Variants in MYO1F observed in about 807,000 individuals in gnomAD.
MYO1F encodes the protein myosin IF, also known as unconventional myosin-If.
MYO1F carries 60 observed loss-of-function variants against 146.6 expected under a neutral mutation model. That is an observed-to-expected ratio of 0.41 (90% CI 0.33 to 0.51). MYO1F has a LOEUF of 0.51. MYO1F is among the 20% of genes least tolerant of loss of function. The pLI, the probability that MYO1F is intolerant of heterozygous loss-of-function variation, is 0.25. For missense variants in MYO1F, 1,274 were observed against 1,534.3 expected, an observed-to-expected ratio of 0.83 and a Z score of 2.83; for synonymous variants, 602 against 602.1, an observed-to-expected ratio of 1.00 and a Z score of 0.00.
chr19:8,530,125 G>T lies in MYO1F; in HGVS notation c.2328+71C>A, dbSNP rs1456246949. 1.3e-6 allele frequency: 2 copies of T among 1,593,126 alleles called. No homozygotes were observed. The highest frequency in any genetic ancestry group is 2.2e-5 in the East Asian group (1 of 44,782). On this transcript the variant is annotated intron_variant, in intron 21 of 27. Transcript: ENST00000644032. This position sits in a 1 kb window ranked among gnomAD's most constrained non-coding sequence, Gnocchi z 5.8. ...CTGGGGGATATCTGGCTGTGGGCAG[G>T]TGCATCTGGGCCAGGTGAGGGTGCC... is the stretch of plus-strand genomic sequence containing the variant.
chr19:8,526,994 A>G, intron 22 of MYO1F, 59 bp from the exon 23 acceptor site: 2 of 1,599,568 alleles, frequency 1.3e-6, no homozygotes, highest in Non-Finnish European at 1.7e-6. Flanking sequence ...CAGGTGAGAG[A>G]GACAGATGAA....
At chr19:8,541,396 A>G (rs1349305220) in intron 15 of MYO1F, among the ~76,000 whole-genome samples, 1 of 128,264 alleles carries the variant, frequency 7.8e-6, no homozygotes, top group Admixed American at 8.1e-5. Flanking sequence ...ATCTAATGCT[A>G]TGTTCTTTGT....
At chr19:8,559,742 G>T (rs1016485142) in intron 1 of MYO1F, among the ~76,000 whole-genome samples, 1 of 151,966 alleles carries the variant, frequency 6.6e-6, no homozygotes, top group Non-Finnish European at 1.5e-5. Flanking sequence ...CTAAGGTCGG[G>T]AGTTTGAGAC....
intron 1 of MYO1F, among the ~76,000 whole-genome samples, chr19:8,560,388 G>A (rs1246115824): frequency 6.6e-6 from 1 of 151,818 alleles, no homozygotes; most frequent in Non-Finnish European, 1.5e-5. Flanking sequence ...AGGAGGCTGA[G>A]GCAGGAGACT....
chr19:8,527,843 T>C (rs1972331986), intron 21 of MYO1F, among the ~76,000 whole-genome samples: 1 of 152,106 alleles, frequency 6.6e-6, no homozygotes. Context: ...GAGCTCCTGA[T>C]CTCAAGCAAA....
intron 1 of MYO1F, among the ~76,000 whole-genome samples, chr19:8,576,031 C>A (rs2146007091): frequency 6.6e-6 from 1 of 152,292 alleles, no homozygotes; most frequent in East Asian, 1.9e-4. Flanking sequence ...GGAGTGTGCT[C>A]TGTCACCCAG....
rs56008209 is a variant in MYO1F, at chr19:8,544,459, G to T, written c.1362C>A (p.Pro454=). Residue 454 remains proline (P), a synonymous_variant, in exon 14 of 28, where the codon CCC becomes CCA. Transcript: ENST00000644032. ...VCDLIENKLS[P]PGIMSVLDDV... ...CGTCCAAGACGCTCATGATGCCTGG[G>T]GGGCTCTGCGGGGCGAGCGGGAGCC... 243 of 1,608,400 alleles carry T rather than the reference G, an allele frequency of 1.5e-4. 2 individuals are homozygous for T. Among genetic ancestry groups the T allele is most frequent in the Admixed American group, 1.1e-3 (63 of 59,846 alleles).
Position 8,521,083 on chromosome 19 carries a change from T to C in MYO1F, c.*445A>G, listed in dbSNP as rs779127127. 3.0e-5 allele frequency: 9 copies of C among 296,796 alleles called. No individual in the cohort carries two copies. Among genetic ancestry groups the C allele is most frequent in the Non-Finnish European group, 5.3e-5 (8 of 149,834 alleles). The allele number at this position is 296,796 out of a possible 1,614,324, so 18.4% of individuals were successfully genotyped here. ...CACAGGGCTGTGAAAACATCGTCCT[T>C]GTTGGGCACTTAGTAAGTTAACTCG... On this transcript the variant is annotated 3_prime_UTR_variant, in exon 28 of 28. Transcript: ENST00000644032.
intron 6 of MYO1F, 65 bp downstream of exon 6, chr19:8,553,074 G>A: frequency 1.4e-6 from 2 of 1,409,668 alleles, no homozygotes; most frequent in Non-Finnish European, 1.0e-6. Context: ...TGTATGTGTG[G>A]GTGTGTGTGT....
At chr19:8,542,556 GGC>G in intron 14 of MYO1F, among the ~76,000 whole-genome samples, 1 of 152,074 alleles carries the variant, frequency 6.6e-6, no homozygotes, top group East Asian at 1.9e-4. Context: ...TTGCAACCCT[GGC>G]TGAGGGAACA....
Position 8,522,660 on chromosome 19 carries a change from G to C in MYO1F, c.3024C>G (p.Leu1008=). Residue 1008 remains leucine (L), a synonymous_variant, in exon 26 of 28, where the codon CTC becomes CTG. Coordinates refer to ENST00000644032, the MANE Select transcript of MYO1F (RefSeq NM_012335.4). ...CGGCCATGCCCTGGTCAGGCACGTT[G>C]AGGAATTCTGTGTTGTGCTCTGAGG... ...RPPSEHNTEF[L]NVPDQGMAGM... is the part of the protein sequence containing the mutation. 2 of 1,613,954 alleles carry C rather than the reference G, an allele frequency of 1.2e-6. No homozygotes were observed. The highest frequency in any genetic ancestry group is 1.7e-6 in the Non-Finnish European group (2 of 1,179,978).
chr19:8,555,801 G>T lies in MYO1F; in HGVS notation c.4-5C>A, dbSNP rs759106961. The T allele has an allele frequency of 2.5e-6, 4 of 1,610,728 alleles. No individual in the cohort carries two copies. The highest frequency in any genetic ancestry group is 1.7e-6 in the Non-Finnish European group (2 of 1,178,918). ...GTGGAAGCGCTCCTTGCTGCCCTGGGGGGTGAGAGGGGGGTCGGGGTGAGC... is the reference window on the plus strand; with the variant it reads ...GTGGAAGCGCTCCTTGCTGCCCTGGTGGGTGAGAGGGGGGTCGGGGTGAGC... On this transcript the variant is annotated splice_region_variant and splice_polypyrimidine_tract_variant and intron_variant, in intron 1 of 27. Coordinates refer to ENST00000644032, the MANE Select transcript of MYO1F (RefSeq NM_012335.4).
At chr19:8,555,533 C>A (rs1042654067) in intron 2 of MYO1F, 126 bp downstream of exon 2, 43 of 1,338,722 alleles carry the variant, frequency 3.2e-5, no homozygotes, top group Non-Finnish European at 4.3e-5. Context: ...TCTGTCTGTC[C>A]TCTGTGTCAC....
At chr19:8,522,308 CA>C (rs1972092674) in intron 27 of MYO1F, 68 bp downstream of exon 27, 1 of 1,601,074 alleles carries the variant, frequency 6.2e-7, no homozygotes, top group African/African-American at 1.3e-5. Context: ...AGGCGTGAGC[CA>C]CCGCGCCCGG....
chr19:8,532,151 A>T (rs970006635), intron 19 of MYO1F, among the ~76,000 whole-genome samples: 7 of 151,434 alleles, frequency 4.6e-5, no homozygotes, highest in African/African-American at 1.5e-4. Context: ...ATGAAACTCC[A>T]TCTCAAAAAA....
Position 8,537,066 on chromosome 19 carries a change from A to T in MYO1F, c.1693-11T>A, listed in dbSNP as rs1241741357. ...GTCGTTGGCTTGTTTCTGAGGCAGA[A>T]GTGAAGACGGGTGGGTGGGGGGCAC... is the stretch of plus-strand genomic sequence containing the variant. On this transcript the variant is annotated splice_polypyrimidine_tract_variant and intron_variant, in intron 16 of 27. Coordinates refer to ENST00000644032, the MANE Select transcript of MYO1F (RefSeq NM_012335.4). 4 of 1,578,636 alleles carry T rather than the reference A, an allele frequency of 2.5e-6. No homozygotes were observed. Among genetic ancestry groups the T allele is most frequent in the Non-Finnish European group, 8.6e-7 (1 of 1,156,188 alleles).
intron 6 of MYO1F, among the ~76,000 whole-genome samples, chr19:8,552,641 C>T (rs1208973276): frequency 2.0e-5 from 3 of 151,980 alleles, no homozygotes; most frequent in Non-Finnish European, 4.4e-5. Flanking sequence ...ATATTAACAT[C>T]GTCACCATTT....
intron 8 of MYO1F, 33 bp from the exon 9 acceptor site, chr19:8,550,727 G>A: frequency 1.2e-6 from 2 of 1,613,156 alleles, no homozygotes; most frequent in Non-Finnish European, 1.7e-6. Flanking sequence ...ACTGTGCCGT[G>A]AATCCTGGCC....
At chr19:8,571,009 TCC>T (rs1192378580) in intron 1 of MYO1F, among the ~76,000 whole-genome samples, 3 of 152,200 alleles carry the variant, frequency 2.0e-5, no homozygotes, top group African/African-American at 7.2e-5. Context: ...TTCCTCACTG[TCC>T]CCATCAATGG....
Sources: gnomAD v4.1 joint callset for allele counts (sites outside exome capture counted in the v4.1 genomes callset) on GRCh38, gnomAD v4.1.1 for gene constraint, Gnocchi (gnomAD v3.1) non-coding constraint, MANE v1.5 for transcripts, NCBI Gene and HGNC (gene_info 2026-07-23, HGNC 2026-07-21) for gene names.